CBR4: variants seen among roughly 807,000 people sequenced by gnomAD.
The protein encoded by CBR4 is carbonyl reductase 4.
CBR4 carries 22 observed loss-of-function variants against 21.0 expected under a neutral mutation model. The observed-to-expected ratio is 1.05, with a 90% CI of 0.75 to 1.50. CBR4 has a LOEUF of 1.50. Ranked by LOEUF, CBR4 falls within the 40% of genes most tolerant of loss-of-function variation. The pLI, the probability that CBR4 is intolerant of heterozygous loss-of-function variation, is 0.00. For missense variants in CBR4, 302 were observed against 286.3 expected (o/e 1.05, Z -0.40); for synonymous variants, 100 against 104.4 (o/e 0.96, Z 0.26).
At chr4:169,002,259 G>T in intron 3 of CBR4, 54 bp from the exon 4 acceptor site, 19 of 1,336,984 alleles carry the variant, frequency 1.4e-5, no homozygotes, top group Non-Finnish European at 1.8e-5. Flanking sequence ...TCAATTAATG[G>T]GGTTACTTGA....
Position 168,898,422 on chromosome 4 carries a change from G to C in CBR4, n.170-3657C>G, listed in dbSNP as rs1032381242. On this transcript the variant is annotated intron_variant and non_coding_transcript_variant, in intron 2 of 3. Transcript: ENST00000509108. ...ATCACTGTCTTCTAGGGCCTTATTGGGGGGCAGGGAGAGACGTGACACTTT... is the reference window on the plus strand; with the variant it reads ...ATCACTGTCTTCTAGGGCCTTATTGCGGGGCAGGGAGAGACGTGACACTTT... 5.3e-6 allele frequency: 5 copies of C among 944,566 alleles called. No individual in the cohort carries two copies. In the East Asian group the frequency reaches 1.2e-4, roughly 23 times the overall value. The allele number at this position is 944,566 out of a possible 1,614,324, so 58.5% of individuals were successfully genotyped here. A position where few individuals can be genotyped will look rare whatever the true frequency, so the allele number is the denominator to read the frequency against.
At chr4:168,941,911 T>C (rs890857749) in intron 2 of CBR4, among the ~76,000 whole-genome samples, 3 of 152,202 alleles carry the variant, frequency 2.0e-5, no homozygotes, top group African/African-American at 7.2e-5. Flanking sequence ...TAAATCATTC[T>C]ACTATAAAGA....
At chr4:168,985,243 A>C (rs1460775115), downstream of CBR4, among the ~76,000 whole-genome samples, 1 of 152,194 alleles carries the variant, frequency 6.6e-6, no homozygotes, top group Non-Finnish European at 1.5e-5. Context: ...GTGAACAGAC[A>C]TTTCTCAAAA....
rs534665482 is a variant in CBR4 at position 169,008,831 on chromosome 4, T to C, written c.143-1075A>G. On this transcript the variant is annotated intron_variant, in intron 1 of 4. Coordinates refer to ENST00000306193, the MANE Select transcript of CBR4 (RefSeq NM_032783.5). The stretch of plus-strand genomic sequence containing the variant: ...CTTCAAGAAGCATTCACTGACACTC[T>C]CCCTGACCTATAACTTACAGAATCT... 9.0e-4 allele frequency: 343 copies of C among 382,114 alleles called. 1 individual carries two copies. Among genetic ancestry groups the C allele is most frequent in the African/African-American group, 6.7e-3 (318 of 47,130 alleles). The allele number at this position is 382,114 out of a possible 1,614,324, so 23.7% of individuals were successfully genotyped here.
intron 2 of CBR4, chr4:168,925,011 G>A: frequency 6.2e-7 from 1 of 1,614,080 alleles, no homozygotes; most frequent in African/African-American, 1.3e-5. Flanking sequence ...AAGATGCTGG[G>A]TGGTATACTG....
intron 2 of CBR4, among the ~76,000 whole-genome samples, chr4:168,905,958 G>A (rs188553325): frequency 1.0e-3 from 155 of 151,964 alleles, no homozygotes; most frequent in Non-Finnish European, 1.5e-3. Context: ...TTTTAATAGA[G>A]ACGGGGTTTC....
chr4:168,989,827 T>TG lies in CBR4; in HGVS notation c.*322dup. 3.9e-6 allele frequency: 4 copies of TG among 1,014,096 alleles called. No individual in the cohort carries two copies. The highest frequency in any genetic ancestry group is 4.7e-6 in the Non-Finnish European group (4 of 849,184). The allele number at this position is 1,014,096 out of a possible 1,614,324, so 62.8% of individuals were successfully genotyped here. ...CATCCTTTAGAAAACACAATTTGTC[T>TG]GGGGGGATGATTGCACATGTATTTA... On this transcript the variant is annotated 3_prime_UTR_variant, in exon 5 of 5. Coordinates refer to ENST00000306193, the MANE Select transcript of CBR4 (RefSeq NM_032783.5).
intron 2 of CBR4, among the ~76,000 whole-genome samples, chr4:168,930,127 T>C (rs1248247331): frequency 6.6e-6 from 1 of 152,172 alleles, no homozygotes; most frequent in East Asian, 1.9e-4. Context: ...TTATGGCAGT[T>C]GTTAGAGTTA....
At chr4:168,982,870 T>C (rs1426952224), downstream of CBR4, among the ~76,000 whole-genome samples, 2 of 152,108 alleles carry the variant, frequency 1.3e-5, no homozygotes, top group Admixed American at 6.6e-5. Context: ...CTGAAACTAA[T>C]TAAAACAAAG....
At chr4:168,954,408 G>C (rs1763627803) in intron 2 of CBR4, among the ~76,000 whole-genome samples, 1 of 152,126 alleles carries the variant, frequency 6.6e-6, no homozygotes, top group South Asian at 2.1e-4. Context: ...CATAGTACCA[G>C]CATCTGCTTG....
downstream of CBR4, among the ~76,000 whole-genome samples, chr4:168,984,597 T>C (rs1198693661): frequency 1.3e-5 from 2 of 152,030 alleles, no homozygotes; most frequent in Non-Finnish European, 2.9e-5. Flanking sequence ...CAAAGAGTCA[T>C]AGCAACAGCA....
chr4:168,958,166 A>G (rs983955916), intron 2 of CBR4, among the ~76,000 whole-genome samples: 22 of 152,114 alleles, frequency 1.4e-4, no homozygotes, highest in Non-Finnish European at 1.5e-5. Context: ...CGGGAGGCTG[A>G]GACAGGAGAA....
At chr4:169,001,930 TC>T in intron 4 of CBR4, 140 bp downstream of exon 4, 1 of 839,868 alleles carries the variant, frequency 1.2e-6, no homozygotes, top group Non-Finnish European at 1.7e-6. Flanking sequence ...TTTTTTTGAG[TC>T]CCCCAGTTCA....
chr4:168,907,623 G>C (rs1758079939), intron 2 of CBR4, among the ~76,000 whole-genome samples: 1 of 152,160 alleles, frequency 6.6e-6, no homozygotes, highest in Non-Finnish European at 1.5e-5. Context: ...CCCCAAAAGA[G>C]AGTGGTTACT....
intron 4 of CBR4, among the ~76,000 whole-genome samples, chr4:168,997,871 A>C (rs1455707926): frequency 6.6e-6 from 1 of 152,188 alleles, no homozygotes; most frequent in Non-Finnish European, 1.5e-5. Flanking sequence ...AAAAGAACAA[A>C]AACAACCCAA....
chr4:168,894,722 C>A, exon 3 of CBR4: 1 of 1,594,492 alleles, frequency 6.3e-7, no homozygotes, highest in African/African-American at 1.3e-5. Flanking sequence ...TTATTCTGTC[C>A]CCCTTTTCCA....
At chr4:168,961,026 T>G (rs1763834934) in intron 2 of CBR4, among the ~76,000 whole-genome samples, 1 of 152,204 alleles carries the variant, frequency 6.6e-6, no homozygotes, top group Admixed American at 6.5e-5. Flanking sequence ...CAGCCAACTT[T>G]AGAGCCTAGA....
chr4:169,000,906 C>T (rs931721322), intron 4 of CBR4, among the ~76,000 whole-genome samples: 4 of 151,952 alleles, frequency 2.6e-5, no homozygotes, highest in Non-Finnish European at 4.4e-5. Context: ...TTTAGACAGA[C>T]CATAGTAGTA....
chr4:169,008,924 A>G, intron 1 of CBR4: 1 of 452,428 alleles, frequency 2.2e-6, no homozygotes, highest in Non-Finnish European at 4.4e-6. Flanking sequence ...CCGATCAATA[A>G]TGTTAACTTA....
Sources: allele counts gnomAD v4.1 joint callset (sites outside exome capture counted in the v4.1 genomes callset), GRCh38; gene constraint gnomAD v4.1.1; transcripts MANE v1.5; gene names NCBI Gene and HGNC (gene_info 2026-07-23, HGNC 2026-07-21).